The following DDAH1 variants were observed in gnomAD, a reference collection of about 807,000 sequenced individuals.
DDAH1 encodes N(G),N(G)-dimethylarginine dimethylaminohydrolase 1.
In DDAH1, 19 loss-of-function variants were observed where a neutral mutation model predicts 28.8. The ratio of observed to expected loss-of-function variants is 0.66; its 90% CI spans 0.46 to 0.97. DDAH1 has a LOEUF of 0.97. Ranked by LOEUF, DDAH1 falls within the 50% of genes least tolerant of loss-of-function variation. The pLI is 0.00. For synonymous variants in DDAH1, 153 were observed against 154.4 expected, an observed-to-expected ratio of 0.99 and a Z score of 0.07; for missense variants, 326 against 375.9, an observed-to-expected ratio of 0.87 and a Z score of 1.10.
chr1:85,429,069 GGTTT>G (rs1285217841), intron 1 of DDAH1, among the ~76,000 whole-genome samples: 1 of 151,930 alleles, frequency 6.6e-6, no homozygotes, highest in East Asian at 1.9e-4. Flanking sequence ...AGTATGTGCA[GGTTT>G]GTTACATAGG....
At chr1:85,342,559 C>T (rs1182743502) in intron 4 of DDAH1, among the ~76,000 whole-genome samples, 2 of 152,218 alleles carry the variant, frequency 1.3e-5, no homozygotes, top group African/African-American at 2.4e-5. Flanking sequence ...CAAATTATTA[C>T]CCAGTTAGGT....
intron 1 of DDAH1, among the ~76,000 whole-genome samples, chr1:85,569,862 C>T (rs1659402829): frequency 6.6e-6 from 1 of 152,210 alleles, no homozygotes; most frequent in Admixed American, 6.5e-5. Flanking sequence ...TGCTCTTCAG[C>T]TTCTCTTGTT....
chr1:85,403,231 A>ATG (rs1244519173), intron 1 of DDAH1, among the ~76,000 whole-genome samples: 1 of 58,432 alleles, frequency 1.7e-5, no homozygotes, highest in African/African-American at 5.5e-5. Flanking sequence ...GTGAATATAT[A>ATG]TGTGTGTATA....
chr1:85,444,180 A>G (rs1257867366), intron 1 of DDAH1, among the ~76,000 whole-genome samples: 1 of 152,192 alleles, frequency 6.6e-6, no homozygotes, highest in African/African-American at 2.4e-5. Flanking sequence ...TTATTTTGAA[A>G]TATATCCCAT....
chr1:85,333,496 G>A (rs1647906436), intron 4 of DDAH1, among the ~76,000 whole-genome samples: 2 of 152,008 alleles, frequency 1.3e-5, no homozygotes, highest in Admixed American at 1.3e-4. Context: ...CTAAATTTAT[G>A]AAGTGCCTGA....
chr1:85,518,656 G>A (rs1570633935), intron 1 of DDAH1, among the ~76,000 whole-genome samples: 1 of 152,124 alleles, frequency 6.6e-6, no homozygotes, highest in Non-Finnish European at 1.5e-5. Context: ...TGATTAGATT[G>A]GGTGCACCTA....
chr1:85,511,893 G>T (rs1406674120), intron 1 of DDAH1, among the ~76,000 whole-genome samples: 1 of 152,178 alleles, frequency 6.6e-6, no homozygotes, highest in Non-Finnish European at 1.5e-5. Flanking sequence ...GGACCAGATG[G>T]ATTCACAGCC....
At chr1:85,489,959 T>C (rs1231949816) in intron 2 of DDAH1, among the ~76,000 whole-genome samples, 1 of 152,212 alleles carries the variant, frequency 6.6e-6, no homozygotes, top group African/African-American at 2.4e-5. Flanking sequence ...TCCATATTTA[T>C]ATTCTACTTC....
At chr1:85,324,294 A>AATAATAAT (rs1320011766) in intron 5 of DDAH1, among the ~76,000 whole-genome samples, 1 of 147,546 alleles carries the variant, frequency 6.8e-6, no homozygotes, top group East Asian at 1.9e-4. Flanking sequence ...TAATAATAAT[A>AATAATAAT]ATAATAAATA....
chr1:85,573,303 G>T (rs956856694), intron 1 of DDAH1, among the ~76,000 whole-genome samples: 1 of 152,228 alleles, frequency 6.6e-6, no homozygotes, highest in Non-Finnish European at 1.5e-5. Flanking sequence ...TGTGCTACGT[G>T]TGATGTTAGT....
chr1:85,448,371 T>C (rs1654527664), intron 1 of DDAH1, among the ~76,000 whole-genome samples: 1 of 152,222 alleles, frequency 6.6e-6, no homozygotes, highest in East Asian at 1.9e-4. Context: ...CTCTAAGAGA[T>C]AAGGAATGGC....
intron 2 of DDAH1, among the ~76,000 whole-genome samples, chr1:85,488,753 G>A (rs761432960): frequency 1.3e-5 from 2 of 152,150 alleles, no homozygotes; most frequent in African/African-American, 4.8e-5. Context: ...AACAAAGTTA[G>A]AGAGCTAGAG....
chr1:85,461,130 G>C (rs76031538), intron 1 of DDAH1, among the ~76,000 whole-genome samples: 2,174 of 150,452 alleles, frequency 0.014, 43 homozygotes, highest in African/African-American at 0.05. Flanking sequence ...CAAACAAACA[G>C]AGAAGTTGCA....
At chr1:85,481,668 T>C (rs188569607) in intron 2 of DDAH1, among the ~76,000 whole-genome samples, 53 of 152,326 alleles carry the variant, frequency 3.5e-4, no homozygotes, top group African/African-American at 1.3e-3. Flanking sequence ...AACAGTACTT[T>C]TCTTCCTAGA....
intron 1 of DDAH1, chr1:85,447,991 G>A (rs1330931112): frequency 6.6e-6 from 1 of 152,372 alleles, no homozygotes; most frequent in East Asian, 1.9e-4. Flanking sequence ...TCCACCCATT[G>A]TAGTCAGGAG....
chr1:85,400,616 T>A (rs1297549123), intron 1 of DDAH1, among the ~76,000 whole-genome samples: 1 of 152,198 alleles, frequency 6.6e-6, no homozygotes, highest in African/African-American at 2.4e-5. Context: ...GCTATTTATA[T>A]CATTACGCAC....
chr1:85,434,042 T>A (rs968728053), intron 1 of DDAH1, among the ~76,000 whole-genome samples: 16 of 152,328 alleles, frequency 1.1e-4, no homozygotes, highest in African/African-American at 3.4e-4. Flanking sequence ...CATATCAGGA[T>A]GTAAAATGTA....
intron 1 of DDAH1, among the ~76,000 whole-genome samples, chr1:85,406,980 A>G (rs1393116002): frequency 6.6e-6 from 1 of 152,176 alleles, no homozygotes; most frequent in African/African-American, 2.4e-5. Context: ...GAAATATATA[A>G]GAAGAAAAAC....
chr1:85,523,153 T>G lies in DDAH1; in HGVS notation c.-122-26872A>C, dbSNP rs556068565. On this transcript the variant is annotated intron_variant, in intron 1 of 6. Transcript: ENST00000426972. Reference sequence around the variant, plus strand: ...TGAATGGCCTGTAGGGCTCACGCAGTTGAAGGAGGGTAGGAAAGTGGAAAA... The same window carrying G: ...TGAATGGCCTGTAGGGCTCACGCAGGTGAAGGAGGGTAGGAAAGTGGAAAA... Among the ~76,000 whole-genome samples the G allele has an allele frequency of 4.4e-4, 67 of 151,868 alleles. 3 individuals carry two copies. The South Asian group carries it at 0.013, about 29-fold the overall frequency.
Sources: allele counts gnomAD v4.1 joint callset (sites outside exome capture counted in the v4.1 genomes callset), GRCh38; gene constraint gnomAD v4.1.1; transcripts MANE v1.5; gene names NCBI Gene and HGNC (gene_info 2026-07-23, HGNC 2026-07-21).